LARGE1: variants seen among roughly 807,000 people sequenced by gnomAD.
LARGE1 encodes xylosyl- and glucuronyltransferase LARGE1.
In LARGE1, 43 loss-of-function variants were observed where a neutral mutation model predicts 87.6. The ratio of observed to expected loss-of-function variants is 0.49; its 90% CI spans 0.38 to 0.63. LARGE1 has a LOEUF of 0.63. LARGE1 is among the 30% of genes least tolerant of loss of function. The probability of loss-of-function intolerance (pLI) is 0.00; values close to 1 mark genes in which losing one functional copy is unlikely to be tolerated. For missense variants in LARGE1, 802 were observed against 1,000.2 expected, an observed-to-expected ratio of 0.80 and a Z score of 2.67; for synonymous variants, 434 against 394.6, an observed-to-expected ratio of 1.10 and a Z score of -1.18.
intron 2 of LARGE1, among the ~76,000 whole-genome samples, chr22:33,723,673 A>C (rs1333793571): frequency 6.6e-6 from 1 of 152,072 alleles, no homozygotes; most frequent in Non-Finnish European, 1.5e-5. Flanking sequence ...TAGAGAGAAA[A>C]ACTCCTGTAT....
At position 33,318,266 on chromosome 22, in the gene LARGE1, C is replaced by T. The variant is rs561516797; in HGVS notation, c.1288-2018G>A. On this transcript the variant is annotated intron_variant, in intron 10 of 14. Coordinates refer to ENST00000397394, the MANE Select transcript of LARGE1 (RefSeq NM_133642.5). ...AAAAAAAAAGAATGGGAGGACTTGT[C>T]GGAGGCAATCTGTATTTCCATAAAA... 3.5e-3 allele frequency among the ~76,000 whole-genome samples: 521 copies of T among 150,964 alleles called. 2 individuals are homozygous for T. Among genetic ancestry groups the T allele is most frequent in the African/African-American group, 0.012 (476 of 41,146 alleles).
At chr22:33,881,514 G>C (rs532427565) in intron 1 of LARGE1, among the ~76,000 whole-genome samples, 70 of 152,290 alleles carry the variant, frequency 4.6e-4, no homozygotes, top group African/African-American at 1.7e-3. Flanking sequence ...CCTTTTTAAA[G>C]AAGAGAAGTG....
intron 2 of LARGE1, among the ~76,000 whole-genome samples, chr22:33,691,799 A>G (rs901512029): frequency 6.6e-6 from 1 of 152,212 alleles, no homozygotes; most frequent in African/African-American, 2.4e-5. Context: ...TATGGAACTT[A>G]GAACAGCCTT....
intron 11 of LARGE1, among the ~76,000 whole-genome samples, chr22:33,265,891 G>A (rs1205265895): frequency 3.3e-5 from 5 of 151,034 alleles, no homozygotes; most frequent in Admixed American, 2.0e-4. Context: ...ATGCAGAATC[G>A]CAGGCAGCAC....
intron 2 of LARGE1, among the ~76,000 whole-genome samples, chr22:33,657,807 T>C (rs774073074): frequency 2.0e-5 from 3 of 152,178 alleles, no homozygotes; most frequent in Non-Finnish European, 4.4e-5. Context: ...AGGTCATCCA[T>C]CAAATTCAAC....
At chr22:33,539,240 A>T (rs1216218424) in intron 6 of LARGE1, among the ~76,000 whole-genome samples, 1 of 134,336 alleles carries the variant, frequency 7.4e-6, no homozygotes, top group Non-Finnish European at 1.6e-5. Flanking sequence ...TCTTTGTCAA[A>T]ATTTTCTGAT....
At chr22:33,354,017 A>G (rs571054014) in intron 9 of LARGE1, among the ~76,000 whole-genome samples, 5 of 152,370 alleles carry the variant, frequency 3.3e-5, no homozygotes, top group African/African-American at 1.2e-4. Flanking sequence ...AATCTGTAAC[A>G]CACAGCTTTG....
intron 7 of LARGE1, among the ~76,000 whole-genome samples, chr22:33,428,321 T>C (rs1379333726): frequency 7.5e-5 from 11 of 147,392 alleles, no homozygotes; most frequent in East Asian, 2.0e-4. Context: ...GTTATGTCTT[T>C]TTTTTTTTTT....
chr22:33,171,633 C>T (rs1211733486), intron 11 of LARGE1, among the ~76,000 whole-genome samples: 1 of 152,210 alleles, frequency 6.6e-6, no homozygotes, highest in Non-Finnish European at 1.5e-5. Flanking sequence ...AGGATGCAAG[C>T]CCCAAGCCTT....
chr22:33,326,120 A>G (rs1403515144), intron 10 of LARGE1, among the ~76,000 whole-genome samples: 1 of 152,180 alleles, frequency 6.6e-6, no homozygotes, highest in Non-Finnish European at 1.5e-5. Context: ...AAACCAAACT[A>G]TGAGTCCATT....
intron 7 of LARGE1, among the ~76,000 whole-genome samples, chr22:33,400,431 A>G (rs939985980): frequency 7.0e-4 from 107 of 152,214 alleles, no homozygotes; most frequent in Non-Finnish European, 7.3e-5. Context: ...CATGGGCTAT[A>G]TACCAGCTAC....
intron 7 of LARGE1, among the ~76,000 whole-genome samples, chr22:33,421,213 T>C (rs1289888539): frequency 1.8e-5 from 1 of 55,462 alleles, no homozygotes; most frequent in East Asian, 2.7e-4. Flanking sequence ...TAAAATAAAA[T>C]CAATCAATCA....
intron 6 of LARGE1, among the ~76,000 whole-genome samples, chr22:33,558,880 G>A (rs149489371): frequency 6.6e-6 from 1 of 152,294 alleles, no homozygotes; most frequent in African/African-American, 2.4e-5. Flanking sequence ...ACACATTAAC[G>A]ATGTCTGCCA....
At chr22:33,584,271 G>A (rs929201077) in intron 5 of LARGE1, among the ~76,000 whole-genome samples, 2 of 152,066 alleles carry the variant, frequency 1.3e-5, no homozygotes, top group African/African-American at 2.4e-5. Context: ...ATGCTCTTAC[G>A]CCTCCTCTTC....
rs1373289130 is a variant in LARGE1 at position 33,202,775 on chromosome 22, G to A, written c.1731-35943C>T. Among the ~76,000 whole-genome samples the A allele has an allele frequency of 4.6e-5, 7 of 152,170 alleles. No homozygotes were observed. In the East Asian group the frequency reaches 1.4e-3, roughly 29 times the overall value. On this transcript the variant is annotated intron_variant, in intron 11 of 11. Transcript: ENST00000608642. The stretch of plus-strand genomic sequence containing the variant: ...TGTTTACATCAATCCCTCAAATCTG[G>A]TTGAACCCAAGAGCCAGAGACCTGC...
At chr22:33,639,994 G>A (rs2080380079) in intron 3 of LARGE1, among the ~76,000 whole-genome samples, 1 of 152,376 alleles carries the variant, frequency 6.6e-6, no homozygotes, top group East Asian at 1.9e-4. Flanking sequence ...CATATTGATA[G>A]AGGAGTTTTC....
At chr22:33,413,769 G>A (rs892502535) in intron 7 of LARGE1, among the ~76,000 whole-genome samples, 13 of 152,100 alleles carry the variant, frequency 8.5e-5, no homozygotes, top group African/African-American at 2.9e-4. Flanking sequence ...CCGGCCTACT[G>A]GGGGCTTTTT....
intron 1 of LARGE1, among the ~76,000 whole-genome samples, chr22:33,838,475 C>A (rs13053314): frequency 0.19 from 29,122 of 152,024 alleles, 3,286 homozygotes; most frequent in Admixed American, 0.34. Context: ...CCCATCTCTA[C>A]AAAAAGTTTA....
chr22:33,201,324 GAGAA>G, intron 11 of LARGE1, among the ~76,000 whole-genome samples: 1 of 132,742 alleles, frequency 7.5e-6, no homozygotes, highest in Non-Finnish European at 1.6e-5. Flanking sequence ...GAAAGAAAGA[GAGAA>G]AGAGAGAGAG....
Sources: allele counts gnomAD v4.1 joint callset (sites outside exome capture counted in the v4.1 genomes callset), GRCh38; gene constraint gnomAD v4.1.1; transcripts MANE v1.5; gene names NCBI Gene and HGNC (gene_info 2026-07-23, HGNC 2026-07-21).